MICAL3: variants seen among roughly 807,000 people sequenced by gnomAD.
MICAL3 encodes the protein microtubule associated monooxygenase, calponin and LIM domain containing 3.
Under a neutral mutation model 207.4 loss-of-function variants are expected in MICAL3, and 62 were observed. That is an observed-to-expected ratio of 0.30 (90% CI 0.24 to 0.37). The LOEUF is 0.37. MICAL3 is among the 10% of genes least tolerant of loss of function. MICAL3 has a pLI of 1.00. For missense variants in MICAL3, 2,368 were observed against 2,635.6 expected, an observed-to-expected ratio of 0.90 and a Z score of 2.22; for synonymous variants, 1,077 against 1,069.3, an observed-to-expected ratio of 1.01 and a Z score of -0.14.
At chr22:17,966,193 C>G (rs933919286) in intron 1 of MICAL3, among the ~76,000 whole-genome samples, 1 of 152,144 alleles carries the variant, frequency 6.6e-6, no homozygotes, top group Non-Finnish European at 1.5e-5. Flanking sequence ...TGCCTCCCAT[C>G]GAATTTCCAG....
intron 7 of MICAL3, 92 bp from the exon 8 acceptor site, chr22:17,897,073 C>CG (rs1930908333): frequency 1.6e-5 from 22 of 1,408,544 alleles, no homozygotes; most frequent in Non-Finnish European, 2.1e-5. Flanking sequence ...GCTTCTTCTT[C>CG]CCCCTAAAGT....
intron 7 of MICAL3, among the ~76,000 whole-genome samples, chr22:17,898,942 T>C (rs1931097179): frequency 2.0e-5 from 3 of 152,214 alleles, no homozygotes; most frequent in Admixed American, 1.3e-4. Flanking sequence ...AGAATCCTCA[T>C]CAGGCTCCCA....
At position 17,863,108 on chromosome 22, in the gene MICAL3, ACTC is replaced by A. The variant is rs568551019; in HGVS notation, c.2605+1788_2605+1790del. ...TCTATGGAAAGCGTAATTCTTTAGA[ACTC>A]CTAAAAACCTGAAACCCATTATACT... On this transcript the variant is annotated intron_variant, in intron 19 of 31. Transcript: ENST00000441493. The A allele has an allele frequency of 2.5e-4, 248 of 985,056 alleles. 1 individual carries two copies. The African/African-American group carries it at 4.1e-3, about 16-fold the overall frequency. The allele number at this position is 985,056 out of a possible 1,614,324, so 61.0% of individuals were successfully genotyped here.
At chr22:17,874,780 C>G (rs372415728) in intron 16 of MICAL3, among the ~76,000 whole-genome samples, 1 of 151,920 alleles carries the variant, frequency 6.6e-6, no homozygotes, top group South Asian at 2.1e-4. Context: ...CCAGTAGGAG[C>G]GGCAAAGAGA....
intron 1 of MICAL3, among the ~76,000 whole-genome samples, chr22:17,953,609 C>T (rs1379181899): frequency 1.3e-5 from 2 of 152,002 alleles, no homozygotes; most frequent in African/African-American, 4.8e-5. Flanking sequence ...GTCCAACAGA[C>T]AAGAAACTCC....
intron 19 of MICAL3, among the ~76,000 whole-genome samples, chr22:17,850,083 A>G (rs550241406): frequency 2.0e-4 from 31 of 152,266 alleles, no homozygotes; most frequent in Non-Finnish European, 3.5e-4. Context: ...AATAGTGGGA[A>G]AGCAGGTGAC....
rs112234424 is a variant in MICAL3, at chr22:17,948,912, C to CAAAAAA, written c.-74-42032_-74-42027dup. Reference sequence around the variant, plus strand: ...TGGGTGACAAAGTGAGATGCTGCCTCAAAAAAAAAAAAAATTGGCCAGCAC... The same window carrying CAAAAAA: ...TGGGTGACAAAGTGAGATGCTGCCTCAAAAAAAAAAAAAAAAAAAATTGGCCAGCAC... On this transcript the variant is annotated intron_variant, in intron 1 of 31. Transcript: ENST00000441493. 4.7e-5 allele frequency among the ~76,000 whole-genome samples: 5 copies of CAAAAAA among 106,656 alleles called. 1 individual carries two copies. Among genetic ancestry groups the CAAAAAA allele is most frequent in the African/African-American group, 8.1e-5 (2 of 24,656 alleles). 70.0% of individuals were successfully genotyped at this position (106,656 alleles called of 152,430 possible). A position where few individuals can be genotyped will look rare whatever the true frequency, so the allele number is the denominator to read the frequency against.
intron 1 of MICAL3, among the ~76,000 whole-genome samples, chr22:17,925,317 G>A (rs1238080269): frequency 6.6e-6 from 1 of 152,170 alleles, no homozygotes; most frequent in African/African-American, 2.4e-5. Context: ...ACTGTTCTCA[G>A]GACTGGAGGG....
rs765233511 is a variant in MICAL3, at chr22:17,818,970, G to T, written c.3691C>A (p.Pro1231Thr). ...GGTGAGACAGGAGTCCTAGCTTCTG[G>T]CAGGGTCACTGGCTGTGATCGGATG... ...SPIRSQPVTL[P>T]EARTPVSPGS... Residue 1231 changes from proline to threonine, a missense_variant, in exon 26 of 32, where the codon CCA becomes ACA. Around this residue, in one of 4 missense-constraint regions of MICAL3, gnomAD observed 1,770 missense variants for 1,863.2 expected, o/e 0.95. Transcript: ENST00000441493. The T allele has an allele frequency of 1.2e-6, 2 of 1,607,364 alleles. No individual in the cohort carries two copies. Among genetic ancestry groups the T allele is most frequent in the Non-Finnish European group, 1.7e-6 (2 of 1,177,000 alleles).
At chr22:17,946,055 T>G (rs1330359332) in intron 1 of MICAL3, among the ~76,000 whole-genome samples, 1 of 152,086 alleles carries the variant, frequency 6.6e-6, no homozygotes, top group African/African-American at 2.4e-5. Flanking sequence ...CAACAGGGTA[T>G]TAAGTGGAGG....
chr22:17,916,735 T>C (rs532931109), intron 1 of MICAL3, among the ~76,000 whole-genome samples: 3 of 152,266 alleles, frequency 2.0e-5, no homozygotes, highest in Non-Finnish European at 2.9e-5. Context: ...TGTGACCTCA[T>C]AGCCCCTCTC....
At chr22:17,863,077 T>G in intron 19 of MICAL3, 1 of 985,408 alleles carries the variant, frequency 1.0e-6, no homozygotes, top group Non-Finnish European at 1.2e-6. Flanking sequence ...ATTCTTCCTC[T>G]TATTCTCTAT....
At chr22:17,864,786 T>C in intron 19 of MICAL3, 113 bp downstream of exon 19, 1 of 1,613,950 alleles carries the variant, frequency 6.2e-7, no homozygotes, top group African/African-American at 1.3e-5. Context: ...TTTGGGCCAC[T>C]TGTTGCCCGA....
At chr22:17,989,637 CA>C (rs1167959043) in intron 1 of MICAL3, among the ~76,000 whole-genome samples, 1 of 152,156 alleles carries the variant, frequency 6.6e-6, no homozygotes, top group Admixed American at 6.5e-5. Context: ...GAGCACAGTT[CA>C]AATTGCATCT....
At chr22:17,866,906 C>T (rs1249743309) in intron 17 of MICAL3, among the ~76,000 whole-genome samples, 4 of 152,204 alleles carry the variant, frequency 2.6e-5, no homozygotes, top group Non-Finnish European at 4.4e-5. Context: ...GAGCGACTGA[C>T]GACTTTTGAA....
At chr22:17,916,379 G>A (rs1463959185) in intron 1 of MICAL3, among the ~76,000 whole-genome samples, 1 of 152,086 alleles carries the variant, frequency 6.6e-6, no homozygotes, top group African/African-American at 2.4e-5. Flanking sequence ...ACTGTCTTCA[G>A]CAAGGACACG....
In MICAL3 at chr22:17,841,829, C is replaced by T. The variant is rs1451360941; in HGVS notation, c.2794G>A (p.Ala932Thr). The change falls in exon 20 of 32, where the codon GCC becomes ACC. Residue 932 changes from alanine (A) to threonine (T), a missense_variant. Ala to Thr is a moderately conservative substitution (Grantham distance 58). This residue lies in a region of MICAL3 where 1,770 missense variants were observed against 1,863.2 expected (regional missense o/e 0.95). Transcript: ENST00000441493. The surrounding 1 kb of genome is among the most constrained non-coding windows in gnomAD (Gnocchi z 4.2). ...VLDTGAEEDV[A>T]SSSSESEMEE... ...GCAGCCCTGCGTGCTGACCTGCTGG[C>T]GACGTCCTCCTCGGCGCCCGTGTCC... 13 of 1,545,948 alleles carry T rather than the reference C, an allele frequency of 8.4e-6. No individual in the cohort carries two copies. In the East Asian group the frequency reaches 1.5e-4, roughly 17 times the overall value.
intron 15 of MICAL3, 91 bp from the exon 16 acceptor site, chr22:17,886,142 T>C (rs1238147659): frequency 2.2e-6 from 3 of 1,364,192 alleles, no homozygotes; most frequent in Admixed American, 3.6e-5. Context: ...GGACCTGGCA[T>C]GGGGGCTGGT....
In MICAL3 at chr22:17,899,546, T is replaced by C. The variant is rs1377358540; in HGVS notation, c.850A>G (p.Ile284Val). 1 of 1,591,648 alleles carries C rather than the reference T, an allele frequency of 6.3e-7. No individual in the cohort carries two copies. Among genetic ancestry groups the C allele is most frequent in the Non-Finnish European group, 8.6e-7 (1 of 1,165,750 alleles). The change falls in exon 7 of 32, where the codon ATT becomes GTT. Residue 284 changes from isoleucine to valine, a missense_variant and splice_region_variant. By Grantham distance (29) the Ile-to-Val change is conservative. This residue lies in a region of MICAL3 where 400 missense variants were observed against 547.0 expected (regional missense o/e 0.73). Transcript: ENST00000441493. The stretch of plus-strand genomic sequence containing the variant: ...TAGTAAACGATGTTCTCCAAGTCAA[T>C]ACCTGGGGCCAGAAGACAAACGTGT... ...FFQELREATG[I>V]DLENIVYYKD...
Sources: allele counts gnomAD v4.1 joint callset (sites outside exome capture counted in the v4.1 genomes callset), GRCh38; gene constraint gnomAD v4.1.1; regional missense constraint gnomAD v4.1.1; non-coding constraint Gnocchi (gnomAD v3.1); transcripts MANE v1.5; gene names NCBI Gene and HGNC (gene_info 2026-07-23, HGNC 2026-07-21).